Variants in TMEM63B observed in about 807,000 individuals in gnomAD.
TMEM63B encodes the protein transmembrane protein 63B, also known as mechanosensitive cation channel TMEM63B.
Under a neutral mutation model 102.6 loss-of-function variants are expected in TMEM63B, and 23 were observed. That is an observed-to-expected ratio of 0.22 (90% CI 0.16 to 0.32). The LOEUF (loss-of-function observed/expected upper bound fraction) is 0.32, where lower values mean the gene tolerates loss of function less well. TMEM63B is among the 10% of genes least tolerant of loss of function. The probability of loss-of-function intolerance (pLI) is 1.00; values close to 1 mark genes in which losing one functional copy is unlikely to be tolerated. For missense variants in TMEM63B, 628 were observed against 1,095.9 expected, an observed-to-expected ratio of 0.57 and a Z score of 6.03; for synonymous variants, 444 against 437.0, an observed-to-expected ratio of 1.02 and a Z score of -0.20.
chr6:44,128,596 G>A (rs1777687698), intron 1 of TMEM63B, among the ~76,000 whole-genome samples: 1 of 152,252 alleles, frequency 6.6e-6, no homozygotes, highest in African/African-American at 2.4e-5. Flanking sequence ...TGGGTCCCCT[G>A]GGCAGAGGTC....
At chr6:44,136,036 A>G (rs1429469210) in intron 4 of TMEM63B, among the ~76,000 whole-genome samples, 1 of 151,912 alleles carries the variant, frequency 6.6e-6, no homozygotes, top group Non-Finnish European at 1.5e-5. Flanking sequence ...CTGCCAGTCA[A>G]CTCTGGAACT....
intron 15 of TMEM63B, chr6:44,149,317 GA>G: frequency 2.8e-6 from 1 of 358,816 alleles, no homozygotes; most frequent in Non-Finnish European, 5.3e-6. Context: ...ACCCAGTGTG[GA>G]AAAGCAGGGC....
chr6:44,137,721 C>CA (rs1562119890), intron 5 of TMEM63B, among the ~76,000 whole-genome samples: 3 of 150,490 alleles, frequency 2.0e-5, no homozygotes, highest in African/African-American at 4.9e-5. Context: ...TTCCCTGAGA[C>CA]AGAGTCTTGC....
At chr6:44,128,086 A>T (rs963201685) in intron 1 of TMEM63B, among the ~76,000 whole-genome samples, 1 of 151,760 alleles carries the variant, frequency 6.6e-6, no homozygotes, top group Non-Finnish European at 1.5e-5. Flanking sequence ...CCCGCCCCCG[A>T]GTTTTGGACC....
chr6:44,147,156 G>A (rs573448318), intron 11 of TMEM63B, among the ~76,000 whole-genome samples: 31 of 152,338 alleles, frequency 2.0e-4, no homozygotes, highest in African/African-American at 7.2e-4. Context: ...CTGAGGACAT[G>A]CCCTTCTTTG....
At chr6:44,129,793 A>G (rs568563557) in intron 1 of TMEM63B, among the ~76,000 whole-genome samples, 2 of 152,266 alleles carry the variant, frequency 1.3e-5, no homozygotes, top group South Asian at 4.1e-4. Context: ...AATAACAATA[A>G]CTAATTCCTA....
chr6:44,138,642 C>T (rs1763494267), intron 6 of TMEM63B, 125 bp downstream of exon 6: 2 of 1,150,310 alleles, frequency 1.7e-6, no homozygotes, highest in South Asian at 2.5e-5. Context: ...GCACCCTCCT[C>T]CCTGCTCTCA....
chr6:44,148,634 C>A lies in TMEM63B; in HGVS notation c.1243C>A (p.Pro415Thr). 6.2e-7 allele frequency: 1 copy of A among 1,614,168 alleles called. No homozygotes were observed. Among genetic ancestry groups the A allele is most frequent in the South Asian group, 1.1e-5 (1 of 91,084 alleles). Residue 415 changes from proline to threonine, a missense_variant, in exon 14 of 24, where the codon CCT becomes ACT. Pro to Thr is a conservative substitution (Grantham distance 38). Transcript: ENST00000323267. This position sits in a 1 kb window ranked among gnomAD's most constrained non-coding sequence, Gnocchi z 5.1. ...CTGGACCGTGTCCTATGCCCCTGAC[C>A]CTCAGAACATCTACTGGTGAGCAAA... ...SNWTVSYAPDPQNIYWEHLSI... is the reference protein window; with the variant it reads ...SNWTVSYAPDTQNIYWEHLSI...
At position 44,148,629 on chromosome 6, in the gene TMEM63B, C is replaced by T; in HGVS notation, c.1238C>T (p.Pro413Leu). 1 of 1,614,230 alleles carries T rather than the reference C, an allele frequency of 6.2e-7. No individual in the cohort carries two copies. The highest frequency in any genetic ancestry group is 8.5e-7 in the Non-Finnish European group (1 of 1,180,030). The change falls in exon 14 of 24, where the codon CCT becomes CTT. Residue 413 changes from proline (P) to leucine (L), a missense_variant. Physicochemically the swap from Pro to Leu is moderately conservative, Grantham distance 98. Coordinates refer to ENST00000323267, the MANE Select transcript of TMEM63B (RefSeq NM_018426.3). This position sits in a 1 kb window ranked among gnomAD's most constrained non-coding sequence, Gnocchi z 5.1. ...TCCAACTGGACCGTGTCCTATGCCC[C>T]TGACCCTCAGAACATCTACTGGTGA... is the stretch of plus-strand genomic sequence containing the variant. The part of the protein sequence containing the change: ...HISNWTVSYA[P>L]DPQNIYWEHL...
chr6:44,135,191 T>G (rs1318571887), intron 3 of TMEM63B, 95 bp downstream of exon 3: 15 of 1,567,676 alleles, frequency 9.6e-6, no homozygotes, highest in Admixed American at 1.7e-5. Flanking sequence ...CTCATTCCCC[T>G]TTGCTGGGGG....
chr6:44,135,252 G>T, intron 3 of TMEM63B, 76 bp from the exon 4 acceptor site: 1 of 1,571,540 alleles, frequency 6.4e-7, no homozygotes, highest in South Asian at 1.1e-5. Flanking sequence ...AGGGCCCTAA[G>T]TTGGGCCCCT....
At position 44,153,792 on chromosome 6, in the gene TMEM63B, G is replaced by A. The variant is rs1767347360; in HGVS notation, c.2059G>A (p.Ala687Thr). 5 of 1,614,130 alleles carry A rather than the reference G, an allele frequency of 3.1e-6. No individual in the cohort carries two copies. Among genetic ancestry groups the A allele is most frequent in the Non-Finnish European group, 3.4e-6 (4 of 1,180,018 alleles). Reference protein sequence around the residue: ...HSGAVNQVVAAPILCLFWLLF... With the variant: ...HSGAVNQVVATPILCLFWLLF... ...GGGGGCTGTGAACCAGGTGGTGGCCGCGCCCATCCTCTGCCTCTTCTGGCT... is the reference window on the plus strand; with the variant it reads ...GGGGGCTGTGAACCAGGTGGTGGCCACGCCCATCCTCTGCCTCTTCTGGCT... Residue 687 changes from alanine to threonine, a missense_variant, in exon 21 of 24, where the codon GCG (alanine) becomes ACG (threonine). By Grantham distance (58) the Ala-to-Thr change is moderately conservative (BLOSUM62 0). Coordinates refer to ENST00000323267, the MANE Select transcript of TMEM63B (RefSeq NM_018426.3).
chr6:44,129,995 A>G lies in TMEM63B; in HGVS notation c.-25+2317A>G, dbSNP rs566459803. Among the ~76,000 whole-genome samples the G allele has an allele frequency of 1.1e-4, 16 of 152,318 alleles. No homozygotes were observed. In the South Asian group the frequency reaches 1.2e-3, roughly 12 times the overall value. Reference sequence around the variant, plus strand: ...CCTAGAGTCTGTGCTTTTAACCACCAGACTATGGTGCCTGTCCCCTATGCC... The same window carrying G: ...CCTAGAGTCTGTGCTTTTAACCACCGGACTATGGTGCCTGTCCCCTATGCC... On this transcript the variant is annotated intron_variant, in intron 1 of 23. Coordinates refer to ENST00000323267, the MANE Select transcript of TMEM63B (RefSeq NM_018426.3).
intron 9 of TMEM63B, 106 bp from the exon 10 acceptor site, chr6:44,140,922 A>G (rs1411447281): frequency 9.5e-6 from 9 of 949,530 alleles, no homozygotes; most frequent in Non-Finnish European, 1.5e-5. Flanking sequence ...CTACTTCTCT[A>G]CCCACTCAAA....
chr6:44,130,337 A>G (rs934388917), intron 1 of TMEM63B, among the ~76,000 whole-genome samples: 1 of 152,186 alleles, frequency 6.6e-6, no homozygotes, highest in Non-Finnish European at 1.5e-5. Context: ...AATGAGTTAC[A>G]TTTGTAAAGT....
chr6:44,153,671 C>T lies in TMEM63B; in HGVS notation c.1943-5C>T. On this transcript the variant is annotated splice_polypyrimidine_tract_variant and splice_region_variant and intron_variant, in intron 20 of 23. Coordinates refer to ENST00000323267, the MANE Select transcript of TMEM63B (RefSeq NM_018426.3). ...CGAGGTCAGGGCCCATGTGGCTTCC[C>T]TTAGGGCTCATGTACATGCTGCTGA... 6 of 1,613,162 alleles carry T rather than the reference C, an allele frequency of 3.7e-6. No individual in the cohort carries two copies. The highest frequency in any genetic ancestry group is 4.2e-6 in the Non-Finnish European group (5 of 1,179,582).
chr6:44,139,709 G>T lies in TMEM63B; in HGVS notation c.552G>T (p.Glu184Asp). ...LPVNFSGDLL[E>D]NNAYSFGRTT... is the part of the protein sequence containing the mutation. The stretch of plus-strand genomic sequence containing the variant: ...CCTCTCCCTCTTCCCACCCCACAGA[G>T]AACAATGCCTACAGCTTTGGGAGAA... The change falls in exon 8 of 24, where the codon GAG becomes GAT. Residue 184 changes from glutamate to aspartate, a missense_variant and splice_region_variant. Glu to Asp is a conservative substitution (Grantham distance 45). Around this residue, in one of 6 missense-constraint regions of TMEM63B, gnomAD observed 336 missense variants for 580.3 expected, o/e 0.58. Transcript: ENST00000323267. The T allele has an allele frequency of 6.2e-7, 1 of 1,614,180 alleles. No individual in the cohort carries two copies. Among genetic ancestry groups the T allele is most frequent in the Non-Finnish European group, 8.5e-7 (1 of 1,180,040 alleles).
At chr6:44,137,145 T>C (rs1311706054) in intron 5 of TMEM63B, among the ~76,000 whole-genome samples, 6 of 152,186 alleles carry the variant, frequency 3.9e-5, no homozygotes, top group Admixed American at 3.3e-4. Context: ...CCCCTGGCCA[T>C]GTGGGGCCGG....
rs1403418232 is a variant in TMEM63B at position 44,147,515 on chromosome 6, G to A, written c.987+15G>A. 6.2e-7 allele frequency: 1 copy of A among 1,613,584 alleles called. No homozygotes were observed. Among genetic ancestry groups the A allele is most frequent in the Non-Finnish European group, 8.5e-7 (1 of 1,179,748 alleles). On this transcript the variant is annotated intron_variant, in intron 12 of 23. Coordinates refer to ENST00000323267, the MANE Select transcript of TMEM63B (RefSeq NM_018426.3). ...GCTGTGAGCAGGTATGACGCGGGCT[G>A]GCTGTTGAGTCGGGAGAAGTTGGAC...
Sources: gnomAD v4.1 joint callset for allele counts (sites outside exome capture counted in the v4.1 genomes callset) on GRCh38, gnomAD v4.1.1 for gene constraint, gnomAD v4.1.1 regional missense constraint, Gnocchi (gnomAD v3.1) non-coding constraint, MANE v1.5 for transcripts, NCBI Gene and HGNC (gene_info 2026-07-23, HGNC 2026-07-21) for gene names.